SMC2: variants seen among roughly 807,000 people sequenced by gnomAD.
SMC2 encodes the protein structural maintenance of chromosomes protein 2.
Under a neutral mutation model 142.6 loss-of-function variants are expected in SMC2, and 41 were observed. That is an observed-to-expected ratio of 0.29 (90% confidence interval 0.22 to 0.37). The LOEUF (loss-of-function observed/expected upper bound fraction) is 0.37, where lower values mean the gene tolerates loss of function less well. Among genes scored for constraint, SMC2 ranks in the 10% least tolerant of loss-of-function variants. The pLI is 1.00. For missense variants in SMC2, 1,265 were observed against 1,373.7 expected, an observed-to-expected ratio of 0.92 and a Z score of 1.25; for synonymous variants, 463 against 457.5, an observed-to-expected ratio of 1.01 and a Z score of -0.15.
intron 10 of SMC2, 31 bp downstream of exon 10, chr9:104,111,845 C>G: frequency 6.9e-7 from 1 of 1,445,822 alleles, no homozygotes; most frequent in Non-Finnish European, 9.5e-7. Flanking sequence ...TATGTGATTG[C>G]TTTTTTTTCC....
intron 16 of SMC2, among the ~76,000 whole-genome samples, chr9:104,121,454 C>T (rs1242272087): frequency 6.6e-6 from 1 of 152,020 alleles, no homozygotes; most frequent in African/African-American, 2.4e-5. Context: ...TGAGATTGTG[C>T]CACTGCACTC....
chr9:104,126,556 TATTATTTA>T, intron 18 of SMC2, 77 bp from the exon 19 acceptor site: 1 of 829,238 alleles, frequency 1.2e-6, no homozygotes, highest in Non-Finnish European at 1.7e-6. Flanking sequence ...TGCATGAGAT[TATTATTTA>T]TTTAATTGTT....
upstream of SMC2, chr9:104,093,015 C>A (rs984601874): frequency 6.6e-6 from 1 of 152,144 alleles, no homozygotes; most frequent in African/African-American, 2.4e-5. Flanking sequence ...AAGGTGCTAT[C>A]CACTAAAGAG....
intron 22 of SMC2, among the ~76,000 whole-genome samples, chr9:104,134,183 G>A: frequency 6.6e-6 from 1 of 151,896 alleles, no homozygotes; most frequent in Non-Finnish European, 1.5e-5. Flanking sequence ...TTTTGCTTGG[G>A]AGCCCATCCA....
intron 10 of SMC2, among the ~76,000 whole-genome samples, chr9:104,112,618 T>TTAAAG (rs1399988172): frequency 6.6e-6 from 1 of 152,100 alleles, no homozygotes; most frequent in Non-Finnish European, 1.5e-5. Context: ...TAGAAAAGCT[T>TTAAAG]TAAAGTACTC....
intron 15 of SMC2, 137 bp downstream of exon 15, chr9:104,118,512 C>T: frequency 4.4e-6 from 3 of 679,732 alleles, no homozygotes; most frequent in Non-Finnish European, 7.2e-6. Context: ...GCCAGTGCCA[C>T]CTACCTCCTG....
intron 21 of SMC2, 126 bp downstream of exon 21, chr9:104,129,971 C>A: frequency 1.4e-6 from 1 of 706,196 alleles, no homozygotes; most frequent in Non-Finnish European, 2.3e-6. Flanking sequence ...TTTCTTTCTG[C>A]TTTCCTTTTT....
chr9:104,102,858 G>A (rs936994512), intron 9 of SMC2, among the ~76,000 whole-genome samples: 10 of 151,834 alleles, frequency 6.6e-5, no homozygotes, highest in East Asian at 3.9e-4. Flanking sequence ...GAGTGTAGGG[G>A]AAAAAGAGTA....
At chr9:104,088,871 A>G in the SMC2 span, among the ~76,000 whole-genome samples, 76 of 152,280 alleles carry the variant, frequency 5.0e-4, no homozygotes, top group African/African-American at 1.8e-3. Flanking sequence ...TTCTTGGCAC[A>G]ATGCAGGCAT....
chr9:104,129,531 G>T, intron 20 of SMC2, 114 bp from the exon 21 acceptor site: 1 of 858,108 alleles, frequency 1.2e-6, no homozygotes, highest in Non-Finnish European at 1.8e-6. Context: ...AGTCATTGAA[G>T]GTTTTTTCCT....
chr9:104,126,592 T>C, intron 18 of SMC2, 49 bp from the exon 19 acceptor site: 1 of 1,422,474 alleles, frequency 7.0e-7, no homozygotes, highest in Non-Finnish European at 9.6e-7. Flanking sequence ...TATTTGTTTT[T>C]CAGTAGTTAA....
chr9:104,098,923 C>T (rs1409272401), intron 4 of SMC2, among the ~76,000 whole-genome samples: 2 of 151,052 alleles, frequency 1.3e-5, no homozygotes, highest in African/African-American at 4.9e-5. Flanking sequence ...GAGTAATTTT[C>T]TTAGAGACTC....
At chr9:104,119,803 C>A (rs1833529437) in intron 15 of SMC2, among the ~76,000 whole-genome samples, 1 of 152,144 alleles carries the variant, frequency 6.6e-6, no homozygotes, top group African/African-American at 2.4e-5. Context: ...GTAGACAAGG[C>A]AGTGGTTATT....
chr9:104,120,450 G>A (rs1833606783), intron 16 of SMC2, among the ~76,000 whole-genome samples: 1 of 152,122 alleles, frequency 6.6e-6, no homozygotes, highest in African/African-American at 2.4e-5. Flanking sequence ...ACTTGGCTAG[G>A]GTTGCTGGGG....
intron 21 of SMC2, among the ~76,000 whole-genome samples, chr9:104,131,197 A>G (rs7037495): frequency 0.057 from 8,618 of 152,128 alleles, 655 homozygotes; most frequent in African/African-American, 0.18. Flanking sequence ...AGACTACTCT[A>G]AAGTGGTGAT....
chr9:104,117,867 A>G lies in SMC2; in HGVS notation c.1792-304A>G, dbSNP rs555451122. Among the ~76,000 whole-genome samples the G allele has an allele frequency of 2.4e-3, 368 of 152,318 alleles. 4 individuals are homozygous for G. The highest frequency in any genetic ancestry group is 0.021 in the South Asian group (103 of 4,828). ...CTATAATTAAAGTTGTGTCCAGTCA[A>G]CGTTGGTGAAGGACACTTAGAAACA... is the stretch of plus-strand genomic sequence containing the variant. On this transcript the variant is annotated intron_variant, in intron 14 of 24. Transcript: ENST00000374793.
intron 1 of SMC2, 61 bp downstream of exon 1, chr9:104,094,538 GAGGC>G: frequency 3.0e-6 from 1 of 336,900 alleles, no homozygotes. Context: ...CGGGAGGCGG[GAGGC>G]GGGAGGCGGG....
rs773800424 is a variant in SMC2, at chr9:104,111,702, A to T, written c.1142A>T (p.Asn381Ile). 1 of 1,614,056 alleles carries T rather than the reference A, an allele frequency of 6.2e-7. No individual in the cohort carries two copies. Among genetic ancestry groups the T allele is most frequent in the South Asian group, 1.1e-5 (1 of 91,086 alleles). Residue 381 changes from asparagine (N) to isoleucine (I), a missense_variant, in exon 10 of 25, where the codon AAT (asparagine) becomes ATT (isoleucine). Asn to Ile is a moderately radical substitution (Grantham distance 149). Coordinates refer to ENST00000374793, the MANE Select transcript of SMC2 (RefSeq NM_006444.3). ...EALAAAQQHF[N>I]AVSAGLSSNE... ...CTGGCAGCTGCACAGCAGCACTTCA[A>T]TGCTGTTTCCGCTGGCCTGTCCAGT... is the stretch of plus-strand genomic sequence containing the variant.
At chr9:104,121,913 C>A (rs1053839643) in intron 16 of SMC2, among the ~76,000 whole-genome samples, 2 of 152,192 alleles carry the variant, frequency 1.3e-5, no homozygotes, top group African/African-American at 4.8e-5. Flanking sequence ...TGCCACCACA[C>A]CCGGCTAATT....
Sources: allele counts gnomAD v4.1 joint callset (sites outside exome capture counted in the v4.1 genomes callset), GRCh38; gene constraint gnomAD v4.1.1; transcripts MANE v1.5; gene names NCBI Gene and HGNC (gene_info 2026-07-23, HGNC 2026-07-21).